TTC6: variants seen among roughly 807,000 people sequenced by gnomAD.
The protein encoded by TTC6 is tetratricopeptide repeat domain 6, also known as tetratricopeptide repeat protein 6.
A neutral mutation model predicts 210.4 loss-of-function variants in TTC6; 172 were observed. That is an observed-to-expected ratio of 0.82 (90% CI 0.72 to 0.93). The LOEUF is 0.93. TTC6 is among the 40% of genes least tolerant of loss of function. The pLI is 0.00. For missense variants in TTC6, 2,414 were observed against 2,318.1 expected (o/e 1.04, Z -0.85); for synonymous variants, 804 against 819.6 (o/e 0.98, Z 0.32).
chr14:37,641,606 T>C (rs572486846), intron 1 of TTC6, among the ~76,000 whole-genome samples: 2 of 152,318 alleles, frequency 1.3e-5, no homozygotes, highest in East Asian at 3.9e-4. Flanking sequence ...ATTAGTTGTA[T>C]TTATTATCTT....
chr14:37,794,089 A>C (rs1013899021), intron 17 of TTC6, among the ~76,000 whole-genome samples: 7 of 152,174 alleles, frequency 4.6e-5, no homozygotes, highest in African/African-American at 7.2e-5. Flanking sequence ...GAGATCTGCG[A>C]ATGAGCCTCC....
At chr14:37,783,856 AC>A (rs2096061392) in intron 14 of TTC6, among the ~76,000 whole-genome samples, 1 of 152,184 alleles carries the variant, frequency 6.6e-6, no homozygotes, top group Non-Finnish European at 1.5e-5. Context: ...GTTTCAAAGA[AC>A]ATCTTTATTT....
rs2095652100 is a variant in TTC6, at chr14:37,622,151, TA to T, written c.92del (p.Lys31ArgfsTer16). 1 of 1,535,338 alleles carries T rather than the reference TA, an allele frequency of 6.5e-7. No individual in the cohort carries two copies. Among genetic ancestry groups the T allele is most frequent in the African/African-American group, 1.4e-5 (1 of 72,948 alleles). ...AGCTTGAGAAAGTTCGGCAGGAAAC[TA>T]AAAAGGATTTTCTCCGATTCAAGCA... On this transcript the variant is annotated frameshift_variant, in exon 1 of 31. Coordinates refer to ENST00000553443, the Ensembl canonical transcript of TTC6. LOFTEE classifies it high-confidence loss of function.
intron 14 of TTC6, among the ~76,000 whole-genome samples, chr14:37,786,199 G>T (rs1377347519): frequency 6.6e-6 from 1 of 152,194 alleles, no homozygotes; most frequent in South Asian, 2.1e-4. Context: ...GCTGCCTTTT[G>T]TTCAGCTATG....
chr14:37,829,420 TG>T (rs1178385845), intron 29 of TTC6, among the ~76,000 whole-genome samples: 1 of 152,004 alleles, frequency 6.6e-6, no homozygotes, highest in Admixed American at 6.6e-5. Context: ...ATAGTTTTGT[TG>T]TAGTGATTAT....
intron 2 of TTC6, among the ~76,000 whole-genome samples, chr14:37,609,260 T>C (rs1458176715): frequency 6.6e-6 from 1 of 151,860 alleles, no homozygotes; most frequent in Non-Finnish European, 1.5e-5. Flanking sequence ...AATATATATA[T>C]ATAAAATTAG....
exon 1 of TTC6, chr14:37,622,293 C>G: frequency 6.5e-7 from 1 of 1,534,996 alleles, no homozygotes; most frequent in Non-Finnish European, 8.7e-7. Flanking sequence ...GAGAAGATAC[C>G]CTTCGCTTAA....
chr14:37,667,197 T>G (rs538348260), intron 1 of TTC6, among the ~76,000 whole-genome samples: 1 of 150,342 alleles, frequency 6.7e-6, no homozygotes, highest in South Asian at 2.1e-4. Context: ...CAGCCCTGCT[T>G]GGGACAGGGA....
chr14:37,781,605 T>C (rs924848941), intron 14 of TTC6, among the ~76,000 whole-genome samples: 1 of 152,218 alleles, frequency 6.6e-6, no homozygotes, highest in Non-Finnish European at 1.5e-5. Flanking sequence ...TAGTTTCTTT[T>C]GCGGTGCAGA....
rs529277403 is a variant in TTC6, at chr14:37,723,496, C to T, written c.1714-1402C>T. ...TGATGCATCCAACTCTAATCTACCT[C>T]ATGGGTCATTCTAGTTTCCTTCCTT... On this transcript the variant is annotated intron_variant, in intron 6 of 30. Transcript: ENST00000553443. Among the ~76,000 whole-genome samples, 134 of 152,342 alleles carry T rather than the reference C, an allele frequency of 8.8e-4. 1 individual carries two copies. The highest frequency in any genetic ancestry group is 3.1e-3 in the African/African-American group (131 of 41,590).
chr14:37,833,688 T>C (rs1005774491), intron 29 of TTC6, among the ~76,000 whole-genome samples: 3 of 152,176 alleles, frequency 2.0e-5, no homozygotes, highest in Admixed American at 6.5e-5. Context: ...TTCTTTCTTA[T>C]TGCTTATCTT....
intron 29 of TTC6, among the ~76,000 whole-genome samples, chr14:37,836,359 G>A (rs995334182): frequency 3.3e-5 from 5 of 152,142 alleles, no homozygotes; most frequent in African/African-American, 1.2e-4. Context: ...TATGTGCATT[G>A]TAGTTAGTTA....
intron 1 of TTC6, among the ~76,000 whole-genome samples, chr14:37,626,692 T>TAAAGAATGTAGCTAGAGAAA (rs1354884170): frequency 6.6e-6 from 1 of 152,142 alleles, no homozygotes; most frequent in Non-Finnish European, 1.5e-5. Flanking sequence ...TCTCCCAGAC[T>TAAAGAATGTAGCTAGAGAAA]TGTAGCTAAA....
chr14:37,642,084 T>C (rs939485572), intron 1 of TTC6, among the ~76,000 whole-genome samples: 1 of 152,246 alleles, frequency 6.6e-6, no homozygotes, highest in Non-Finnish European at 1.5e-5. Context: ...ACCTAGATGC[T>C]CAGGTATCCA....
At chr14:37,798,231 T>C (rs1246357148) in intron 20 of TTC6, among the ~76,000 whole-genome samples, 1 of 152,122 alleles carries the variant, frequency 6.6e-6, no homozygotes, top group South Asian at 2.1e-4. Flanking sequence ...TTAGGGAGAA[T>C]TGACATCTTT....
chr14:37,828,858 TGA>T (rs1339891779), intron 29 of TTC6, among the ~76,000 whole-genome samples: 20 of 152,052 alleles, frequency 1.3e-4, no homozygotes, highest in African/African-American at 4.8e-4. Context: ...TATCTTGGAC[TGA>T]GAGATTTATT....
intron 25 of TTC6, among the ~76,000 whole-genome samples, chr14:37,812,889 A>G (rs576900853): frequency 1.3e-5 from 2 of 152,328 alleles, no homozygotes; most frequent in Admixed American, 1.3e-4. Flanking sequence ...GGTGACAGGC[A>G]TTTAGAATCA....
chr14:37,707,784 A>T (rs2095838231), intron 5 of TTC6, among the ~76,000 whole-genome samples: 1 of 152,120 alleles, frequency 6.6e-6, no homozygotes, highest in Non-Finnish European at 1.5e-5. Flanking sequence ...TTGAATGAAG[A>T]CAAGTTATTT....
intron 3 of TTC6, among the ~76,000 whole-genome samples, chr14:37,693,204 G>A (rs2095807653): frequency 6.6e-6 from 1 of 152,086 alleles, no homozygotes; most frequent in South Asian, 2.1e-4. Flanking sequence ...AAAGTTGCAG[G>A]ACAAAAAGTT....
Sources: gnomAD v4.1 joint callset for allele counts (sites outside exome capture counted in the v4.1 genomes callset) on GRCh38, gnomAD v4.1.1 for gene constraint, MANE v1.5 for transcripts, NCBI Gene and HGNC (gene_info 2026-07-23, HGNC 2026-07-21) for gene names.